Variants in LIMS1 observed in about 807,000 individuals in gnomAD.
LIMS1 encodes the protein LIM zinc finger domain containing 1, also known as LIM and senescent cell antigen-like-containing domain protein 1.
LIMS1 carries 18 observed loss-of-function variants against 44.1 expected under a neutral mutation model. The ratio of observed to expected loss-of-function variants is 0.41; its 90% CI spans 0.28 to 0.61. LIMS1 has a LOEUF of 0.61. LIMS1 is among the 20% of genes least tolerant of loss of function. The pLI is 0.32. For synonymous variants in LIMS1, 93 were observed against 149.1 expected, an observed-to-expected ratio of 0.62 and a Z score of 2.74; for missense variants, 201 against 422.0, an observed-to-expected ratio of 0.48 and a Z score of 4.59.
chr2:108,585,692 G>A (rs1405128190), intron 1 of LIMS1, among the ~76,000 whole-genome samples: 2 of 152,124 alleles, frequency 1.3e-5, no homozygotes, highest in Non-Finnish European at 2.9e-5. Flanking sequence ...AAGAGATGGT[G>A]ATGGGATGAC....
At chr2:108,619,072 C>T (rs945746430) in intron 1 of LIMS1, among the ~76,000 whole-genome samples, 4 of 152,010 alleles carry the variant, frequency 2.6e-5, no homozygotes, top group Non-Finnish European at 4.4e-5. Context: ...ATCCTTTTAA[C>T]ACTAGTCTCA....
intron 1 of LIMS1, among the ~76,000 whole-genome samples, chr2:108,548,039 AAAGTAGGAGCT>A (rs1684546000): frequency 1.3e-5 from 2 of 152,208 alleles, no homozygotes; most frequent in South Asian, 4.1e-4. Context: ...TGGGTTCAAG[AAAGTAGGAGCT>A]TTGTGACTAG....
At chr2:108,628,015 GC>G (rs1688678586) in intron 1 of LIMS1, among the ~76,000 whole-genome samples, 2 of 152,324 alleles carry the variant, frequency 1.3e-5, no homozygotes, top group South Asian at 2.1e-4. Context: ...GCAGGGCCAT[GC>G]CCCCTCTGAC....
chr2:108,621,202 A>G, intron 1 of LIMS1: 2 of 1,382,202 alleles, frequency 1.4e-6, no homozygotes, highest in Non-Finnish European at 1.9e-6. Flanking sequence ...AGAAACAGGA[A>G]GCTGTGCTTC....
intron 1 of LIMS1, among the ~76,000 whole-genome samples, chr2:108,648,910 G>T (rs954331055): frequency 6.6e-6 from 1 of 152,126 alleles, no homozygotes; most frequent in Admixed American, 6.5e-5. Flanking sequence ...TACCATTCAG[G>T]ACATAGGCAT....
intron 1 of LIMS1, among the ~76,000 whole-genome samples, chr2:108,639,438 A>G (rs1265752542): frequency 6.6e-6 from 1 of 152,232 alleles, no homozygotes; most frequent in Non-Finnish European, 1.5e-5. Context: ...ATCATATATC[A>G]TATATGTGTA....
At chr2:108,541,937 A>C (rs935670608) in intron 1 of LIMS1, among the ~76,000 whole-genome samples, 1 of 152,180 alleles carries the variant, frequency 6.6e-6, no homozygotes, top group Non-Finnish European at 1.5e-5. Context: ...TTTGTTTTAT[A>C]GTTTTTTGTA....
intron 1 of LIMS1, chr2:108,659,202 G>A (rs1691146866): frequency 1.1e-6 from 1 of 886,748 alleles, no homozygotes; most frequent in African/African-American, 1.8e-5. Flanking sequence ...TTCTCAGAAG[G>A]GAAAGAAACT....
rs1297305698 is a variant in LIMS1 at position 108,545,304 on chromosome 2, G to A, written c.32+10710G>A. On this transcript the variant is annotated intron_variant, in intron 1 of 9. Coordinates refer to ENST00000544547, the Ensembl canonical transcript of LIMS1. ...GCAGGAGTGCAGTGGCTTGATGTCG[G>A]CTCACTGCAACCTCCGCCTCCCGGG... is the stretch of plus-strand genomic sequence containing the variant. Among the ~76,000 whole-genome samples the A allele has an allele frequency of 2.6e-5, 4 of 152,138 alleles. No individual in the cohort carries two copies. In the East Asian group the frequency reaches 5.8e-4, roughly 22 times the overall value.
intron 1 of LIMS1, among the ~76,000 whole-genome samples, chr2:108,549,519 G>A (rs967344562): frequency 9.2e-5 from 14 of 151,676 alleles, no homozygotes; most frequent in Non-Finnish European, 1.9e-4. Context: ...GGTAAGTACA[G>A]TGTTTGCTTT....
At chr2:108,579,305 T>C (rs574758512) in intron 1 of LIMS1, among the ~76,000 whole-genome samples, 5 of 152,360 alleles carry the variant, frequency 3.3e-5, no homozygotes, top group African/African-American at 1.2e-4. Context: ...ACAGCTCTTA[T>C]AGTAAGTGGC....
intron 9 of LIMS1, chr2:108,681,782 C>T (rs1693015341): frequency 5.8e-6 from 1 of 171,392 alleles, no homozygotes; most frequent in Non-Finnish European, 1.2e-5. Flanking sequence ...ATTAGCCAGG[C>T]GTGGTGGCCC....
intron 1 of LIMS1, among the ~76,000 whole-genome samples, chr2:108,571,812 T>C (rs906485577): frequency 2.6e-5 from 4 of 152,214 alleles, no homozygotes; most frequent in African/African-American, 9.7e-5. Flanking sequence ...GGACATGGGC[T>C]TAATGCTATT....
At chr2:108,535,212 A>G (rs148427317) in intron 1 of LIMS1, among the ~76,000 whole-genome samples, 133 of 152,354 alleles carry the variant, frequency 8.7e-4, no homozygotes, top group African/African-American at 3.0e-3. Flanking sequence ...CTGTTGCGGT[A>G]TGTTTTTATA....
intron 1 of LIMS1, among the ~76,000 whole-genome samples, chr2:108,540,983 A>G (rs1393928648): frequency 1.3e-5 from 2 of 152,258 alleles, no homozygotes; most frequent in Non-Finnish European, 2.9e-5. Context: ...GCCCATTAAC[A>G]TAGTACATTT....
intron 1 of LIMS1, chr2:108,659,287 GCTTGTAA>G (rs1162018793): frequency 1.4e-5 from 5 of 362,574 alleles, no homozygotes; most frequent in African/African-American, 6.6e-5. Context: ...CTTGAGAGCA[GCTTGTAA>G]CTTTCATCTC....
chr2:108,583,035 T>TTTTTG (rs1324090663), intron 1 of LIMS1, among the ~76,000 whole-genome samples: 1 of 151,972 alleles, frequency 6.6e-6, no homozygotes, highest in Admixed American at 6.6e-5. Context: ...TTTTGTTGTT[T>TTTTTG]TTTTGTTTTG....
chr2:108,675,155 A>G (rs1169119193), intron 5 of LIMS1, among the ~76,000 whole-genome samples: 5 of 152,094 alleles, frequency 3.3e-5, no homozygotes, highest in South Asian at 2.1e-4. Flanking sequence ...GTGTTAGTCT[A>G]TTTTATGCGC....
intron 1 of LIMS1, among the ~76,000 whole-genome samples, chr2:108,605,215 G>A (rs905448935): frequency 6.6e-6 from 1 of 152,208 alleles, no homozygotes; most frequent in Non-Finnish European, 1.5e-5. Flanking sequence ...AGAACCTGGT[G>A]TGAGCAGCAC....
Sources: gnomAD v4.1 joint callset for allele counts (sites outside exome capture counted in the v4.1 genomes callset) on GRCh38, gnomAD v4.1.1 for gene constraint, MANE v1.5 for transcripts, NCBI Gene and HGNC (gene_info 2026-07-23, HGNC 2026-07-21) for gene names.